DPAGT1: variants seen among roughly 807,000 people sequenced by gnomAD.
DPAGT1 encodes UDP-N-acetylglucosamine--dolichyl-phosphate N-acetylglucosaminephosphotransferase.
Under a neutral mutation model 39.3 loss-of-function variants are expected in DPAGT1, and 25 were observed. The ratio of observed to expected loss-of-function variants is 0.64; its 90% CI spans 0.46 to 0.89. DPAGT1 has a LOEUF of 0.89. Among genes scored for constraint, DPAGT1 ranks in the 40% least tolerant of loss-of-function variants. The pLI, the probability that DPAGT1 is intolerant of heterozygous loss-of-function variation, is 0.00. For missense variants in DPAGT1, 381 were observed against 500.6 expected (o/e 0.76, Z 2.28); for synonymous variants, 193 against 201.4 (o/e 0.96, Z 0.36).
chr11:119,101,339 T>C, intron 1 of DPAGT1, 156 bp downstream of exon 1: 2 of 1,475,598 alleles, frequency 1.4e-6, no homozygotes, highest in Non-Finnish European at 1.9e-6. Flanking sequence ...CTTTCCCCAA[T>C]GCGAGTAAGT....
Position 119,101,525 on chromosome 11 carries a change from T to C in DPAGT1, c.131A>G (p.Gln44Arg). The C allele has an allele frequency of 6.2e-7, 1 of 1,614,192 alleles. No homozygotes were observed. The highest frequency in any genetic ancestry group is 1.1e-5 in the South Asian group (1 of 91,088). ...CTGTCGGCTGGTTTTGTTGAGGTCC[T>C]GACCACAGAGGCGCGCAGCAATGAA... Reference protein sequence around the residue: ...GHFIAARLCGQDLNKTSRQQI... With the variant: ...GHFIAARLCGRDLNKTSRQQI... Residue 44 changes from glutamine (Q) to arginine (R), a missense_variant, in exon 1 of 9, where the codon CAG becomes CGG. Coordinates refer to ENST00000354202, the MANE Select transcript of DPAGT1 (RefSeq NM_001382.4).
chr11:119,098,261 T>C, intron 5 of DPAGT1, 142 bp downstream of exon 5: 1 of 1,161,758 alleles, frequency 8.6e-7, no homozygotes, highest in Non-Finnish European at 1.3e-6. Flanking sequence ...GAGAGAAATT[T>C]CAGAATACGA....
downstream of DPAGT1, chr11:119,095,399 G>A: frequency 1.3e-6 from 2 of 1,547,498 alleles, no homozygotes; most frequent in Middle Eastern, 2.0e-4. Context: ...CGACATGCTA[G>A]CGAGGTAGAC....
At chr11:119,094,660 G>A (rs535874260), downstream of DPAGT1, 3 of 246,574 alleles carry the variant, frequency 1.2e-5, no homozygotes, top group Non-Finnish European at 2.3e-5. Flanking sequence ...TCCGCGCCAC[G>A]GAGGTCCCCG....
chr11:119,096,015 G>C (rs1389919702), downstream of DPAGT1, among the ~76,000 whole-genome samples: 1 of 152,102 alleles, frequency 6.6e-6, no homozygotes, highest in African/African-American at 2.4e-5. Flanking sequence ...ACCCAGGCTG[G>C]AGTGCAGTAG....
rs62641715 is a variant in DPAGT1 at position 119,100,332 on chromosome 11, G to A, written c.573C>T (p.Asn191=). 2.4e-4 allele frequency: 386 copies of A among 1,614,206 alleles called. 1 individual carries two copies. In the African/African-American group the frequency reaches 3.6e-3, roughly 15 times the overall value. ...TNAINILAGI[N]GLEAGQSLVI... ...CTAGTGACTGGCCAGCCTCTAGGCC[G>A]TTAATTCCTGCTAGGATATTGATGG... Residue 191 remains asparagine, a synonymous_variant, in exon 4 of 9, where the codon AAC becomes AAT. Coordinates refer to ENST00000354202, the MANE Select transcript of DPAGT1 (RefSeq NM_001382.4).
rs1156546659 is a variant in DPAGT1 at position 119,101,482 on chromosome 11, T to C, written c.161+13A>G. 2 of 1,614,000 alleles carry C rather than the reference T, an allele frequency of 1.2e-6. No homozygotes were observed. The highest frequency in any genetic ancestry group is 2.2e-5 in the South Asian group (2 of 91,072). Reference sequence around the variant, plus strand: ...CCCTTGCCCCCTGCCCGGACCCGTGTGCCGCTGCTCACATCTGCTGTCGGC... The same window carrying C: ...CCCTTGCCCCCTGCCCGGACCCGTGCGCCGCTGCTCACATCTGCTGTCGGC... On this transcript the variant is annotated intron_variant, in intron 1 of 8. Transcript: ENST00000354202.
chr11:119,095,477 G>C (rs548792278), downstream of DPAGT1: 12 of 1,388,972 alleles, frequency 8.6e-6, no homozygotes, highest in Admixed American at 1.4e-4. Context: ...TCGCGCGCGC[G>C]CCGCGAGGCC....
rs1565765573 is a variant in DPAGT1 at position 119,100,658 on chromosome 11, G to A, written c.468C>T (p.Arg156=). Residue 156 remains arginine (R), a synonymous_variant, in exon 3 of 9, where the codon CGC becomes CGT. Coordinates refer to ENST00000354202, the MANE Select transcript of DPAGT1 (RefSeq NM_001382.4). Reference sequence around the variant, plus strand: ...AGTCCAGATGCAGGCCAAGTATCGGGCGGAAGGGCTTGGGCACCACAATGG... The same window carrying A: ...AGTCCAGATGCAGGCCAAGTATCGGACGGAAGGGCTTGGGCACCACAATGG... The part of the protein sequence containing the change: ...NTTIVVPKPF[R]PILGLHLDLG... 1 of 1,614,130 alleles carries A rather than the reference G, an allele frequency of 6.2e-7. No individual in the cohort carries two copies. The highest frequency in any genetic ancestry group is 1.1e-5 in the South Asian group (1 of 91,076).
At chr11:119,099,780 C>CAAA (rs57486910) in intron 4 of DPAGT1, among the ~76,000 whole-genome samples, 1,424 of 75,738 alleles carry the variant, frequency 0.019, 50 homozygotes, top group Non-Finnish European at 0.029. Context: ...GACCCTGTCT[C>CAAA]AAAAAAAAAA....
At chr11:119,095,718 C>T, downstream of DPAGT1, among the ~76,000 whole-genome samples, 1 of 152,092 alleles carries the variant, frequency 6.6e-6, no homozygotes, top group Non-Finnish European at 1.5e-5. Context: ...TTGTAAAGCG[C>T]GCGAGATTTA....
chr11:119,096,679 G>A lies in DPAGT1; in HGVS notation c.*319C>T. On this transcript the variant is annotated 3_prime_UTR_variant, in exon 9 of 9. Transcript: ENST00000354202. The stretch of plus-strand genomic sequence containing the variant: ...AAAACCAGTGGTTCCTTGAGAGTCA[G>A]GACTCTGAAATGTGAGTGTGGATAA... 3 of 448,914 alleles carry A rather than the reference G, an allele frequency of 6.7e-6. No homozygotes were observed. Among genetic ancestry groups the A allele is most frequent in the South Asian group, 4.4e-5 (2 of 45,026 alleles). 27.8% of individuals were successfully genotyped at this position (448,914 alleles called of 1,614,324 possible).
downstream of DPAGT1, chr11:119,095,043 G>C (rs201147206): frequency 6.2e-7 from 1 of 1,613,680 alleles, no homozygotes; most frequent in Admixed American, 1.7e-5. Flanking sequence ...GTCTTCTTGG[G>C]CAGCAGCACG....
downstream of DPAGT1, chr11:119,094,771 G>A (rs1224108715): frequency 1.6e-6 from 1 of 611,572 alleles, no homozygotes; most frequent in Non-Finnish European, 2.7e-6. Flanking sequence ...TGCGGGACGG[G>A]AGCGGGGGCG....
In DPAGT1 at chr11:119,096,863, T is replaced by C; in HGVS notation, c.*135A>G. 1 of 1,057,972 alleles carries C rather than the reference T, an allele frequency of 9.5e-7. No homozygotes were observed. Among genetic ancestry groups the C allele is most frequent in the South Asian group, 1.4e-5 (1 of 72,942 alleles). The allele number at this position is 1,057,972 out of a possible 1,614,324, so 65.5% of individuals were successfully genotyped here. A position where few individuals can be genotyped will look rare whatever the true frequency, so the allele number is the denominator to read the frequency against. ...GCCAATGATCACAGAGAAAGGAAAA[T>C]GCTGAGAACAAAATCTGGAGGAGTA... On this transcript the variant is annotated 3_prime_UTR_variant, in exon 9 of 9. Transcript: ENST00000354202.
At chr11:119,098,141 G>A in intron 5 of DPAGT1, 98 bp from the exon 6 acceptor site, 1 of 1,527,440 alleles carries the variant, frequency 6.5e-7, no homozygotes, top group South Asian at 1.1e-5. Flanking sequence ...CCTGACCCTA[G>A]TTCTGACTCA....
chr11:119,097,639 C>A lies in DPAGT1; in HGVS notation c.918-88G>T. 1 of 1,510,854 alleles carries A rather than the reference C, an allele frequency of 6.6e-7. No individual in the cohort carries two copies. Among genetic ancestry groups the A allele is most frequent in the South Asian group, 1.1e-5 (1 of 88,778 alleles). 93.6% of individuals were successfully genotyped at this position (1,510,854 alleles called of 1,614,324 possible). On this transcript the variant is annotated intron_variant, in intron 6 of 8. Coordinates refer to ENST00000354202, the MANE Select transcript of DPAGT1 (RefSeq NM_001382.4). The surrounding 1 kb of genome is among the most constrained non-coding windows in gnomAD (Gnocchi z 4.6). Reference sequence around the variant, plus strand: ...ATAGGAAGAGCATTGAATGTGGAGTCAACCTGAGATCTATTTCTGGCTCTG... The same window carrying A: ...ATAGGAAGAGCATTGAATGTGGAGTAAACCTGAGATCTATTTCTGGCTCTG...
Position 119,101,723 on chromosome 11 carries a change from G to C in DPAGT1, c.-68C>G, listed in dbSNP as rs1374201500. 1.9e-6 allele frequency: 3 copies of C among 1,611,264 alleles called. No individual in the cohort carries two copies. The highest frequency in any genetic ancestry group is 1.3e-5 in the African/African-American group (1 of 74,862). On this transcript the variant is annotated 5_prime_UTR_variant, in exon 1 of 9. Coordinates refer to ENST00000354202, the MANE Select transcript of DPAGT1 (RefSeq NM_001382.4). The stretch of plus-strand genomic sequence containing the variant: ...CGGGCAAGCTGAGCAGCAGTCCTGA[G>C]GCCTCAGCAGTATGGAGTGGCCGCT...
At chr11:119,095,529 T>C (rs1946379547), downstream of DPAGT1, 19 of 1,002,048 alleles carry the variant, frequency 1.9e-5, no homozygotes, top group Non-Finnish European at 2.6e-5. Flanking sequence ...GCCCTCCTGA[T>C]TGGCTCTTTT....
Sources: gnomAD v4.1 joint callset for allele counts (sites outside exome capture counted in the v4.1 genomes callset) on GRCh38, gnomAD v4.1.1 for gene constraint, Gnocchi (gnomAD v3.1) non-coding constraint, MANE v1.5 for transcripts, NCBI Gene and HGNC (gene_info 2026-07-23, HGNC 2026-07-21) for gene names.